Variants in RXRG observed in about 807,000 individuals in gnomAD.
RXRG encodes the protein retinoid X receptor gamma.
RXRG carries 19 observed loss-of-function variants against 49.2 expected under a neutral mutation model. The ratio of observed to expected loss-of-function variants is 0.39; its 90% CI spans 0.27 to 0.57. The LOEUF (loss-of-function observed/expected upper bound fraction) is 0.57, where lower values mean the gene tolerates loss of function less well. Among genes scored for constraint, RXRG ranks in the 20% least tolerant of loss-of-function variants. The pLI is 0.64. For missense variants in RXRG, 452 were observed against 592.5 expected (o/e 0.76, Z 2.46); for synonymous variants, 224 against 216.6 (o/e 1.03, Z -0.30).
chr1:165,428,807 T>C lies in RXRG; in HGVS notation c.209A>G (p.Tyr70Cys). The change falls in exon 2 of 10, where the codon TAT becomes TGT. Residue 70 changes from tyrosine to cysteine, a missense_variant. Transcript: ENST00000359842. Reference sequence around the variant, plus strand: ...GCCCATGGCAGAGGTGATGACTCGATATGGAGAGCCCAGGGCATTGAGGGG... The same window carrying C: ...GCCCATGGCAGAGGTGATGACTCGACATGGAGAGCCCAGGGCATTGAGGGG... ...GTPLNALGSPYRVITSAMGPP... is the reference protein window; with the variant it reads ...GTPLNALGSPCRVITSAMGPP... 6.2e-7 allele frequency: 1 copy of C among 1,613,964 alleles called. No individual in the cohort carries two copies. The highest frequency in any genetic ancestry group is 8.5e-7 in the Non-Finnish European group (1 of 1,179,930).
chr1:165,433,383 C>T (rs1003430770), intron 1 of RXRG, among the ~76,000 whole-genome samples: 1 of 152,148 alleles, frequency 6.6e-6, no homozygotes, highest in African/African-American at 2.4e-5. Flanking sequence ...TGGCATGACC[C>T]CTGGCCCCGC....
At chr1:165,437,047 C>G (rs1302962871) in intron 1 of RXRG, 1 of 1,265,476 alleles carries the variant, frequency 7.9e-7, no homozygotes, top group Non-Finnish European at 1.0e-6. Flanking sequence ...GGTTTCATTT[C>G]TGTGACTCAA....
chr1:165,442,071 C>A (rs1272055777), intron 1 of RXRG, among the ~76,000 whole-genome samples: 1 of 152,186 alleles, frequency 6.6e-6, no homozygotes, highest in Non-Finnish European at 1.5e-5. Flanking sequence ...AATCATGGGG[C>A]CCTCTGTAAT....
intron 1 of RXRG, among the ~76,000 whole-genome samples, chr1:165,443,008 C>T (rs1659052563): frequency 6.6e-6 from 1 of 152,290 alleles, no homozygotes; most frequent in East Asian, 1.9e-4. Context: ...TGCAGCTCAG[C>T]CCCATATAAA....
chr1:165,443,209 A>G (rs1244290771), intron 1 of RXRG, among the ~76,000 whole-genome samples: 1 of 152,060 alleles, frequency 6.6e-6, no homozygotes, highest in African/African-American at 2.4e-5. Flanking sequence ...CAACCCTTTT[A>G]TTCACCCCAA....
At chr1:165,427,853 C>T (rs759176705) in intron 2 of RXRG, among the ~76,000 whole-genome samples, 1 of 152,260 alleles carries the variant, frequency 6.6e-6, no homozygotes, top group East Asian at 1.9e-4. Context: ...CTATGATACA[C>T]CATGAGAAAA....
intron 2 of RXRG, among the ~76,000 whole-genome samples, chr1:165,423,722 G>A (rs1487458691): frequency 3.3e-5 from 5 of 151,940 alleles, no homozygotes; most frequent in Non-Finnish European, 7.4e-5. Context: ...TGGGGAGGGA[G>A]GTTGAGGCTT....
At chr1:165,411,329 T>C (rs768489883) in intron 4 of RXRG, among the ~76,000 whole-genome samples, 1 of 152,178 alleles carries the variant, frequency 6.6e-6, no homozygotes, top group Admixed American at 6.5e-5. Context: ...TTCTTTCCAA[T>C]GCATTATGGT....
chr1:165,410,095 G>A (rs900141336), intron 6 of RXRG, among the ~76,000 whole-genome samples: 5 of 152,134 alleles, frequency 3.3e-5, no homozygotes, highest in African/African-American at 1.2e-4. Flanking sequence ...CTTTGGCATT[G>A]TCTAGTAACA....
At chr1:165,412,307 CTG>C (rs1040802628) in intron 4 of RXRG, among the ~76,000 whole-genome samples, 3 of 151,866 alleles carry the variant, frequency 2.0e-5, no homozygotes, top group African/African-American at 7.3e-5. Flanking sequence ...AAGAATGGTA[CTG>C]TGTCATTGAG....
At chr1:165,417,711 T>G (rs1259488822) in intron 3 of RXRG, among the ~76,000 whole-genome samples, 1 of 152,238 alleles carries the variant, frequency 6.6e-6, no homozygotes, top group Non-Finnish European at 1.5e-5. Context: ...TTCTGAGTTA[T>G]GAATTGTTAA....
intron 1 of RXRG, among the ~76,000 whole-genome samples, chr1:165,444,616 T>C (rs548369772): frequency 6.6e-5 from 10 of 152,342 alleles, no homozygotes; most frequent in African/African-American, 2.4e-4. Flanking sequence ...TATCCCCGTA[T>C]CCTCATTCTG....
chr1:165,434,917 C>G (rs1263301326), intron 1 of RXRG, among the ~76,000 whole-genome samples: 1 of 152,224 alleles, frequency 6.6e-6, no homozygotes, highest in African/African-American at 2.4e-5. Flanking sequence ...GGCACTTCAA[C>G]CAACAACTGA....
intron 2 of RXRG, among the ~76,000 whole-genome samples, chr1:165,423,795 A>G (rs993457276): frequency 3.3e-5 from 5 of 152,278 alleles, no homozygotes; most frequent in South Asian, 2.1e-4. Flanking sequence ...CAGGCTTCCA[A>G]CTATGCTTTC....
chr1:165,413,054 T>C (rs929324414), intron 4 of RXRG, among the ~76,000 whole-genome samples: 5 of 152,182 alleles, frequency 3.3e-5, no homozygotes, highest in African/African-American at 4.8e-5. Flanking sequence ...TCAGAGAAAA[T>C]ATCCTTGGTG....
At chr1:165,425,395 C>A (rs1658452398) in intron 2 of RXRG, among the ~76,000 whole-genome samples, 1 of 152,164 alleles carries the variant, frequency 6.6e-6, no homozygotes, top group African/African-American at 2.4e-5. Flanking sequence ...AAGACCTTGG[C>A]CACCTTATTC....
chr1:165,404,667 G>A (rs1412855989), intron 9 of RXRG, among the ~76,000 whole-genome samples: 1 of 152,022 alleles, frequency 6.6e-6, no homozygotes, highest in Non-Finnish European at 1.5e-5. Context: ...GTTACACGAG[G>A]ATACACACGA....
At chr1:165,432,377 C>T (rs964497968) in intron 1 of RXRG, among the ~76,000 whole-genome samples, 1 of 152,168 alleles carries the variant, frequency 6.6e-6, no homozygotes. Context: ...AAGACAAATA[C>T]ATCTTAGACA....
At chr1:165,401,908 C>T (rs982826794) in intron 9 of RXRG, among the ~76,000 whole-genome samples, 2 of 152,168 alleles carry the variant, frequency 1.3e-5, no homozygotes, top group African/African-American at 4.8e-5. Flanking sequence ...CTTTAGTTTC[C>T]AGCCCCCACA....
Sources: allele counts gnomAD v4.1 joint callset (sites outside exome capture counted in the v4.1 genomes callset), GRCh38; gene constraint gnomAD v4.1.1; transcripts MANE v1.5; gene names NCBI Gene and HGNC (gene_info 2026-07-23, HGNC 2026-07-21).